Variants in WWC2 observed in about 807,000 individuals in gnomAD.
The protein encoded by WWC2 is WW and C2 domain containing 2, also known as protein WWC2.
WWC2 carries 101 observed loss-of-function variants against 138.5 expected under a neutral mutation model. That is an observed-to-expected ratio of 0.73 (90% CI 0.62 to 0.86). The LOEUF (loss-of-function observed/expected upper bound fraction) is 0.86, where lower values mean the gene tolerates loss of function less well. Among genes scored for constraint, WWC2 ranks in the 40% least tolerant of loss-of-function variants. The pLI is 0.00. For missense variants in WWC2, 1,420 were observed against 1,419.4 expected (o/e 1.00, Z -0.01); for synonymous variants, 558 against 538.4 (o/e 1.04, Z -0.50).
intron 1 of WWC2, among the ~76,000 whole-genome samples, chr4:183,108,715 A>G (rs1732125889): frequency 6.6e-6 from 1 of 152,022 alleles, no homozygotes; most frequent in Non-Finnish European, 1.5e-5. Flanking sequence ...GGTTCAAGCA[A>G]TTCTCCTGCC....
chr4:183,196,856 C>A (rs1735158220), intron 2 of WWC2, among the ~76,000 whole-genome samples: 1 of 152,210 alleles, frequency 6.6e-6, no homozygotes, highest in Admixed American at 6.5e-5. Context: ...CCTCACAGGT[C>A]CCCGTCCCAT....
In WWC2 at chr4:183,099,504, G is replaced by C; in HGVS notation, c.13G>C (p.Ala5Pro). Residue 5 changes from alanine (A) to proline (P), a missense_variant, in exon 1 of 23, where the codon GCC (alanine) becomes CCC (proline). Physicochemically the swap from Ala to Pro is conservative, Grantham distance 27 (BLOSUM62 -1). Transcript: ENST00000403733. ...GAGGCCGCCGACCATGCCTAGGAGG[G>C]CCGGGAGCGGTCAGCTGCCGCTGCC... is the stretch of plus-strand genomic sequence containing the variant. The part of the protein sequence containing the change: MPRR[A>P]GSGQLPLPRG... 7.2e-7 allele frequency: 1 copy of C among 1,384,316 alleles called. No individual in the cohort carries two copies. The highest frequency in any genetic ancestry group is 9.5e-7 in the Non-Finnish European group (1 of 1,052,344). 85.8% of individuals were successfully genotyped at this position (1,384,316 alleles called of 1,614,324 possible). A position where few individuals can be genotyped will look rare whatever the true frequency, so the allele number is the denominator to read the frequency against.
At chr4:183,236,454 G>A (rs896793874) in intron 4 of WWC2, among the ~76,000 whole-genome samples, 2 of 152,136 alleles carry the variant, frequency 1.3e-5, no homozygotes, top group African/African-American at 4.8e-5. Flanking sequence ...CAGAAACAGC[G>A]AGATTGGTTA....
At chr4:183,272,677 T>G (rs910165253) in intron 16 of WWC2, among the ~76,000 whole-genome samples, 1 of 152,244 alleles carries the variant, frequency 6.6e-6, no homozygotes, top group Admixed American at 6.5e-5. Flanking sequence ...TAAATTTGCT[T>G]CTTCTGGACA....
intron 1 of WWC2, among the ~76,000 whole-genome samples, chr4:183,146,737 C>T (rs763977711): frequency 7.2e-5 from 11 of 152,060 alleles, no homozygotes; most frequent in Admixed American, 3.3e-4. Context: ...GTTGTCAGCA[C>T]GAAAAGACTC....
At chr4:183,135,491 GTACT>G (rs912876130) in intron 1 of WWC2, among the ~76,000 whole-genome samples, 3 of 151,648 alleles carry the variant, frequency 2.0e-5, no homozygotes, top group African/African-American at 4.8e-5. Flanking sequence ...GAACCTTGTA[GTACT>G]TAAAGTATCC....
At chr4:183,284,943 A>T (rs151201292) in intron 19 of WWC2, among the ~76,000 whole-genome samples, 2 of 152,238 alleles carry the variant, frequency 1.3e-5, no homozygotes, top group African/African-American at 4.8e-5. Context: ...TAGACATAAT[A>T]TTATAAACTG....
chr4:183,279,113 G>T (rs1305492739), intron 16 of WWC2, among the ~76,000 whole-genome samples: 1 of 152,052 alleles, frequency 6.6e-6, no homozygotes, highest in African/African-American at 2.4e-5. Context: ...TTGGCTGTGG[G>T]TTTGTCATAG....
intron 19 of WWC2, 43 bp from the exon 20 acceptor site, chr4:183,285,924 G>T (rs1738233325): frequency 2.6e-6 from 4 of 1,529,978 alleles, no homozygotes; most frequent in Non-Finnish European, 3.6e-6. Flanking sequence ...CTTGCACTCT[G>T]TTTGATATGC....
intron 1 of WWC2, among the ~76,000 whole-genome samples, chr4:183,106,975 C>G (rs1419580929): frequency 2.0e-5 from 3 of 151,974 alleles, no homozygotes; most frequent in African/African-American, 4.8e-5. Context: ...TATGGCAGTT[C>G]TATGTTTAAC....
At chr4:183,211,988 AT>A (rs202160226) in intron 4 of WWC2, among the ~76,000 whole-genome samples, 2,280 of 151,874 alleles carry the variant, frequency 0.015, 29 homozygotes, top group Middle Eastern at 0.048. Context: ...CGCCCGGCTA[AT>A]TTTTTGTATT....
chr4:183,162,770 C>A (rs1733999083), intron 1 of WWC2, among the ~76,000 whole-genome samples: 1 of 152,168 alleles, frequency 6.6e-6, no homozygotes. Context: ...CTTCCAGCAT[C>A]ATCATTTCCC....
Position 183,284,399 on chromosome 4 carries a change from G to A in WWC2, c.3048+9G>A. ...ACCAGTACATCTGCAGGGTAAGGTG[G>A]CAGTGCTCGTGGTGAGGCGCTGGGA... is the stretch of plus-strand genomic sequence containing the variant. On this transcript the variant is annotated intron_variant, in intron 19 of 22. Transcript: ENST00000403733. 1 of 1,609,238 alleles carries A rather than the reference G, an allele frequency of 6.2e-7. No individual in the cohort carries two copies.
At chr4:183,212,760 C>T (rs1456905347) in intron 4 of WWC2, among the ~76,000 whole-genome samples, 1 of 152,152 alleles carries the variant, frequency 6.6e-6, no homozygotes, top group African/African-American at 2.4e-5. Flanking sequence ...AATGGAGCCT[C>T]ATCCCAATCA....
At chr4:183,121,785 C>CTTTTTTTT (rs528295307) in intron 1 of WWC2, among the ~76,000 whole-genome samples, 1 of 124,226 alleles carries the variant, frequency 8.0e-6, no homozygotes, top group Non-Finnish European at 1.7e-5. Flanking sequence ...TGTTAAGAAG[C>CTTTTTTTT]TTTTTTTTTT....
At chr4:183,188,645 T>C (rs1419370340) in intron 1 of WWC2, among the ~76,000 whole-genome samples, 1 of 2,284 alleles carries the variant, frequency 4.4e-4, no homozygotes, top group Non-Finnish European at 3.6e-3. Flanking sequence ...GCTCCTTTCT[T>C]TTTTTTTTTT....
chr4:183,268,313 T>TA (rs911004626), intron 14 of WWC2, among the ~76,000 whole-genome samples: 6 of 152,206 alleles, frequency 3.9e-5, no homozygotes, highest in African/African-American at 1.4e-4. Context: ...AGAGTCACTT[T>TA]AAGGTAGTAT....
At chr4:183,113,719 A>T (rs559611781) in intron 1 of WWC2, among the ~76,000 whole-genome samples, 35 of 151,146 alleles carry the variant, frequency 2.3e-4, no homozygotes, top group African/African-American at 8.5e-4. Context: ...CTTTTTAAAG[A>T]TCTTATTTTA....
In WWC2 at chr4:183,245,458, C is replaced by A; in HGVS notation, c.645C>A (p.Leu215=). 1 of 1,602,802 alleles carries A rather than the reference C, an allele frequency of 6.2e-7. No homozygotes were observed. The highest frequency in any genetic ancestry group is 1.1e-5 in the South Asian group (1 of 89,092). Reference sequence around the variant, plus strand: ...CTGGAGGCCAGAGCGGGTATGAACTCAGTGAAGCCAAAGCCATTCTAACAG... The same window carrying A: ...CTGGAGGCCAGAGCGGGTATGAACTAAGTGAAGCCAAAGCCATTCTAACAG... ...KMSGGQSGYE[L]SEAKAILTEL... The change falls in exon 6 of 23, where the codon CTC becomes CTA. Residue 215 remains leucine, a synonymous_variant. Transcript: ENST00000403733.
Sources: allele counts gnomAD v4.1 joint callset (sites outside exome capture counted in the v4.1 genomes callset), GRCh38; gene constraint gnomAD v4.1.1; transcripts MANE v1.5; gene names NCBI Gene and HGNC (gene_info 2026-07-23, HGNC 2026-07-21).